ZNF782: variants seen among roughly 807,000 people sequenced by gnomAD.
ZNF782 encodes zinc finger protein 782.
In ZNF782, 12 loss-of-function variants were observed where a neutral mutation model predicts 13.0. That is an observed-to-expected ratio of 0.92 (90% CI 0.59 to 1.50). The LOEUF (loss-of-function observed/expected upper bound fraction) is 1.50. Ranked by LOEUF, ZNF782 falls within the 40% of genes most tolerant of loss-of-function variation. ZNF782 has a pLI of 0.00. For synonymous variants in ZNF782, 284 were observed against 283.0 expected (o/e 1.00, Z -0.04); for missense variants, 770 against 822.9 (o/e 0.94, Z 0.79).
chr9:96,818,641 T>C lies in ZNF782; in HGVS notation c.1382A>G (p.Tyr461Cys), dbSNP rs761444695. ...ECHECGKSFN[Y>C]KSILIVHQRT... Reference sequence around the variant, plus strand: ...CTGATGCACTATGAGGATTGACTTATAGTTAAAAGATTTCCCACATTCATG... The same window carrying C: ...CTGATGCACTATGAGGATTGACTTACAGTTAAAAGATTTCCCACATTCATG... The change falls in exon 6 of 6, where the codon TAT becomes TGT. Residue 461 changes from tyrosine to cysteine, a missense_variant. Transcript: ENST00000481138. The C allele has an allele frequency of 1.2e-5, 20 of 1,613,754 alleles. No homozygotes were observed. The East Asian group carries it at 2.7e-4, about 22-fold the overall frequency.
chr9:96,878,978 G>A (rs993269950), upstream of ZNF782, among the ~76,000 whole-genome samples: 3 of 152,038 alleles, frequency 2.0e-5, no homozygotes, highest in Admixed American at 1.3e-4. Context: ...ACATCAAATG[G>A]TGCACCATAA....
rs982511126 is a variant in ZNF782 at position 96,839,604 on chromosome 9, A to C, written c.142+5286T>G. On this transcript the variant is annotated intron_variant, in intron 4 of 5. Transcript: ENST00000481138. ...CAAAACGTATGTAGTTCAAAAATCC[A>C]AATTGTATAAAAAGGTATATTAAAA... Among the ~76,000 whole-genome samples the C allele has an allele frequency of 3.3e-5, 5 of 152,162 alleles. No homozygotes were observed. In the South Asian group the frequency reaches 1.0e-3, roughly 32 times the overall value.
the ZNF782 span, among the ~76,000 whole-genome samples, chr9:96,931,074 G>C: frequency 6.6e-6 from 1 of 151,756 alleles, no homozygotes; most frequent in Non-Finnish European, 1.5e-5. Context: ...TTTTAGTAGA[G>C]ATGGGGTTTC....
At chr9:96,829,349 TTATAA>T (rs528457807) in intron 4 of ZNF782, among the ~76,000 whole-genome samples, 8 of 152,240 alleles carry the variant, frequency 5.3e-5, no homozygotes, top group African/African-American at 1.9e-4. Flanking sequence ...ATTATGGGTT[TTATAA>T]TATATAAATA....
chr9:96,881,532 T>A, the ZNF782 span, among the ~76,000 whole-genome samples: 5 of 152,110 alleles, frequency 3.3e-5, no homozygotes, highest in African/African-American at 1.2e-4. Context: ...TAAAGTTGCA[T>A]AAACCAATGG....
chr9:96,878,912 CA>C (rs1202575787), upstream of ZNF782, among the ~76,000 whole-genome samples: 1 of 152,156 alleles, frequency 6.6e-6, no homozygotes. Context: ...ACATCCACTC[CA>C]ACACCAGATA....
At chr9:96,881,970 A>T in the ZNF782 span, among the ~76,000 whole-genome samples, 5 of 147,216 alleles carry the variant, frequency 3.4e-5, no homozygotes, top group Admixed American at 3.5e-4. Flanking sequence ...GTATAAAATG[A>T]ACTATTTTGG....
chr9:96,886,116 G>A, the ZNF782 span, among the ~76,000 whole-genome samples: 1 of 151,910 alleles, frequency 6.6e-6, no homozygotes. Flanking sequence ...CCAAAGTGCT[G>A]GGATTATAGG....
chr9:96,929,075 G>T, the ZNF782 span: 2 of 1,610,926 alleles, frequency 1.2e-6, no homozygotes, highest in South Asian at 1.1e-5. Context: ...ATCCTAGTCT[G>T]CCTTGCCTCA....
intron 1 of ZNF782, among the ~76,000 whole-genome samples, chr9:96,871,420 A>G (rs1006982567): frequency 1.1e-4 from 16 of 152,188 alleles, no homozygotes; most frequent in African/African-American, 3.9e-4. Flanking sequence ...CAGCCTACCA[A>G]GCAGCTGGGA....
chr9:96,899,232 C>CA, the ZNF782 span, among the ~76,000 whole-genome samples: 2 of 151,434 alleles, frequency 1.3e-5, no homozygotes, highest in African/African-American at 4.9e-5. Context: ...GCCTAGGTGA[C>CA]AGAGTGAGAC....
At chr9:96,870,075 C>T (rs1366801550) in intron 1 of ZNF782, among the ~76,000 whole-genome samples, 1 of 152,036 alleles carries the variant, frequency 6.6e-6, no homozygotes, top group Non-Finnish European at 1.5e-5. Context: ...TAATTATAGC[C>T]CTTAAAGGAG....
chr9:96,917,916 G>A, the ZNF782 span, among the ~76,000 whole-genome samples: 1 of 150,358 alleles, frequency 6.7e-6, no homozygotes, highest in South Asian at 2.1e-4. Context: ...GTGTGTGTGT[G>A]TGTGTGTGTG....
At chr9:96,890,118 T>C in the ZNF782 span, 20 of 152,398 alleles carry the variant, frequency 1.3e-4, no homozygotes, top group African/African-American at 3.6e-4. Flanking sequence ...CAGGGCCAAG[T>C]AGCACCAGCC....
intron 5 of ZNF782, among the ~76,000 whole-genome samples, chr9:96,823,504 T>A (rs747894212): frequency 3.3e-5 from 5 of 152,062 alleles, no homozygotes; most frequent in South Asian, 4.1e-4. Context: ...TAAAACTGTC[T>A]ATTTTAGCAT....
chr9:96,919,028 C>G, the ZNF782 span: 45 of 226,422 alleles, frequency 2.0e-4, 1 homozygote, highest in Non-Finnish European at 3.5e-4. Context: ...AATGAAGATT[C>G]TTCATAAGAA....
intron 5 of ZNF782, among the ~76,000 whole-genome samples, chr9:96,823,821 T>C (rs890093406): frequency 6.6e-6 from 1 of 152,232 alleles, no homozygotes; most frequent in Admixed American, 6.5e-5. Flanking sequence ...TTTGTCTTAC[T>C]CTACGTTATG....
In ZNF782 at chr9:96,827,182, C is replaced by T. The variant is rs758843353; in HGVS notation, c.143-1G>A. 4 of 1,601,920 alleles carry T rather than the reference C, an allele frequency of 2.5e-6. No individual in the cohort carries two copies. Among genetic ancestry groups the T allele is most frequent in the East Asian group, 4.5e-5 (2 of 44,706 alleles). ...AGTTCTGGTTTTGTAAAGCAGTAGC[C>T]TATAAATGGGAAACAATTTAGCATT... is the stretch of plus-strand genomic sequence containing the variant. On this transcript the variant is annotated splice_acceptor_variant, in intron 4 of 5. Coordinates refer to ENST00000481138, the MANE Select transcript of ZNF782 (RefSeq NM_001001662.3). LOFTEE classifies it high-confidence loss of function.
the ZNF782 span, among the ~76,000 whole-genome samples, chr9:96,908,166 A>G: frequency 6.6e-6 from 1 of 151,804 alleles, no homozygotes. Context: ...TAAGCACTCA[A>G]TAAATGGTTT....
Sources: allele counts gnomAD v4.1 joint callset (sites outside exome capture counted in the v4.1 genomes callset), GRCh38; gene constraint gnomAD v4.1.1; transcripts MANE v1.5; gene names NCBI Gene and HGNC (gene_info 2026-07-23, HGNC 2026-07-21).